The following ADAMTS2 variants were observed in gnomAD, a reference collection of about 807,000 sequenced individuals.
ADAMTS2 encodes ADAM metallopeptidase with thrombospondin type 1 motif 2, also known as A disintegrin and metalloproteinase with thrombospondin motifs 2.
In ADAMTS2, 50 loss-of-function variants were observed where a neutral mutation model predicts 123.0. The ratio of observed to expected loss-of-function variants is 0.41; its 90% confidence interval spans 0.32 to 0.51. The LOEUF is 0.51. Ranked by LOEUF, ADAMTS2 falls within the 20% of genes least tolerant of loss-of-function variation. ADAMTS2 has a pLI of 0.35. For missense variants in ADAMTS2, 1,494 were observed against 1,705.2 expected, an observed-to-expected ratio of 0.88 and a Z score of 2.18; for synonymous variants, 678 against 695.4, an observed-to-expected ratio of 0.98 and a Z score of 0.39.
chr5:179,161,096 A>C (rs758937583), intron 5 of ADAMTS2, among the ~76,000 whole-genome samples: 44 of 152,182 alleles, frequency 2.9e-4, no homozygotes, highest in Admixed American at 5.9e-4. Flanking sequence ...TCTGTAGCAT[A>C]ACCTCACCTA....
At chr5:179,198,463 A>G (rs1764481234) in intron 4 of ADAMTS2, among the ~76,000 whole-genome samples, 1 of 152,204 alleles carries the variant, frequency 6.6e-6, no homozygotes. Context: ...GACCAGGCTA[A>G]GGGCCGCTGA....
At chr5:179,244,902 T>G (rs1038199046) in intron 3 of ADAMTS2, among the ~76,000 whole-genome samples, 4 of 152,200 alleles carry the variant, frequency 2.6e-5, no homozygotes, top group Non-Finnish European at 5.9e-5. Context: ...AGCATGAAAT[T>G]ATATAAAGCA....
intron 5 of ADAMTS2, among the ~76,000 whole-genome samples, chr5:179,167,744 G>A (rs1175072554): frequency 1.3e-5 from 2 of 152,246 alleles, no homozygotes; most frequent in African/African-American, 4.8e-5. Context: ...CTGTTCTTGG[G>A]CAAGTTACCT....
At position 179,207,618 on chromosome 5, in the gene ADAMTS2, C is replaced by T. The variant is rs423552; in HGVS notation, c.786G>A (p.Ala262=). ...GGACCTCGATGTTGTAGTCATCGTC[C>T]GCAGCATGCCTGCGTGCCCTCCGCC... ...SSRRRARRHA[A]DDDYNIEVLL... Residue 262 remains alanine, a synonymous_variant, in exon 4 of 22, where the codon GCG becomes GCA. Coordinates refer to ENST00000251582, the MANE Select transcript of ADAMTS2 (RefSeq NM_014244.5). 1,494,863 of 1,613,816 alleles carry T rather than the reference C, an allele frequency of 0.93. 692,918 individuals carry two copies. The highest frequency in any genetic ancestry group is 1 in the East Asian group (44,817 of 44,880).
Position 179,202,990 on chromosome 5 carries a change from G to A in ADAMTS2, c.891+4523C>T, listed in dbSNP as rs1214252878. On this transcript the variant is annotated intron_variant, in intron 4 of 21. Transcript: ENST00000251582. This position sits in a 1 kb window ranked among gnomAD's most constrained non-coding sequence, Gnocchi z 4.0. ...CAGGGGTGATCGATGAGGCTGAACT[G>A]CCTGTGCCACCCCTGGACCCCATAT... Among the ~76,000 whole-genome samples the A allele has an allele frequency of 6.6e-6, 1 of 152,208 alleles. No individual in the cohort carries two copies. The highest frequency in any genetic ancestry group is 2.4e-5 in the African/African-American group (1 of 41,440).
At chr5:179,311,762 C>T (rs1462554464) in intron 2 of ADAMTS2, among the ~76,000 whole-genome samples, 2 of 152,256 alleles carry the variant, frequency 1.3e-5, no homozygotes, top group East Asian at 1.9e-4. Context: ...TGGCCCCTAC[C>T]CTGCTCCTTG....
Position 179,207,672 on chromosome 5 carries a change from GC to G in ADAMTS2, c.731del (p.Gly244AlafsTer3). The G allele has an allele frequency of 6.2e-7, 1 of 1,613,300 alleles. No homozygotes were observed. The highest frequency in any genetic ancestry group is 8.5e-7 in the Non-Finnish European group (1 of 1,180,020). ...DSLDSLSRAL[G>X]VLEEHANSSR... is the part of the protein sequence containing the mutation. ...AGCTGTTGGCGTGCTCCTCTAGGACGCCCAGGGCGCGGCTGAGGCTGTCCAG... is the reference window on the plus strand; with the variant it reads ...AGCTGTTGGCGTGCTCCTCTAGGACGCCAGGGCGCGGCTGAGGCTGTCCAG... On this transcript the variant is annotated frameshift_variant, in exon 4 of 22. Coordinates refer to ENST00000251582, the MANE Select transcript of ADAMTS2 (RefSeq NM_014244.5). LOFTEE classifies it high-confidence loss of function.
chr5:179,215,752 CAA>C (rs756181009), intron 3 of ADAMTS2, among the ~76,000 whole-genome samples: 3 of 152,150 alleles, frequency 2.0e-5, no homozygotes, highest in Non-Finnish European at 2.9e-5. Flanking sequence ...CCACATTCTA[CAA>C]AGTCTCCCGG....
intron 3 of ADAMTS2, among the ~76,000 whole-genome samples, chr5:179,226,272 CT>C (rs1765282705): frequency 7.6e-6 from 1 of 131,964 alleles, no homozygotes; most frequent in African/African-American, 2.8e-5. Flanking sequence ...TTCTTTCCTT[CT>C]TTCTTTTTTT....
chr5:179,242,912 G>T lies in ADAMTS2; in HGVS notation c.688+29999C>A, dbSNP rs1765701691. On this transcript the variant is annotated intron_variant, in intron 3 of 21. Coordinates refer to ENST00000251582, the MANE Select transcript of ADAMTS2 (RefSeq NM_014244.5). This position sits in a 1 kb window ranked among gnomAD's most constrained non-coding sequence, Gnocchi z 4.2. The stretch of plus-strand genomic sequence containing the variant: ...TCCACCCAGCCCTAACTCAGGGCAG[G>T]AGCTCCGTCTCAGGTGCAGCAGGGC... 6.6e-6 allele frequency among the ~76,000 whole-genome samples: 1 copy of T among 152,162 alleles called. No individual in the cohort carries two copies. Among genetic ancestry groups the T allele is most frequent in the African/African-American group, 2.4e-5 (1 of 41,440 alleles).
At chr5:179,166,121 C>T (rs1763690555) in intron 5 of ADAMTS2, among the ~76,000 whole-genome samples, 1 of 152,174 alleles carries the variant, frequency 6.6e-6, no homozygotes. Context: ...CAGGGTCCTC[C>T]TTGGCCATCA....
At position 179,111,361 on chromosome 5, in the gene ADAMTS2, G is replaced by A. The variant is rs1488655426; in HGVS notation, c.*2506C>T. ...AGAAGAAGCTGGCTTGCGAAGATCA[G>A]GACTGTTACTAAGCCGGTTCTCCAA... On this transcript the variant is annotated 3_prime_UTR_variant, in exon 22 of 22. Transcript: ENST00000251582. The A allele has an allele frequency of 6.6e-6, 1 of 152,228 alleles. No individual in the cohort carries two copies. The highest frequency in any genetic ancestry group is 1.5e-5 in the Non-Finnish European group (1 of 68,052). 9.4% of individuals were successfully genotyped at this position (152,228 alleles called of 1,614,324 possible).
chr5:179,210,768 G>A (rs1450169927), intron 3 of ADAMTS2, among the ~76,000 whole-genome samples: 1 of 152,182 alleles, frequency 6.6e-6, no homozygotes, highest in Non-Finnish European at 1.5e-5. Context: ...CCCCCCTCCT[G>A]TCCTCCTCTG....
intron 2 of ADAMTS2, among the ~76,000 whole-genome samples, chr5:179,274,052 T>G (rs1766622685): frequency 6.7e-6 from 1 of 149,738 alleles, no homozygotes; most frequent in African/African-American, 2.5e-5. Flanking sequence ...TGTTCCCCCT[T>G]CGAGGCCTGA....
chr5:179,313,533 CTCATGCACACACACACAT>C, intron 2 of ADAMTS2, among the ~76,000 whole-genome samples: 1 of 8,904 alleles, frequency 1.1e-4, no homozygotes, highest in African/African-American at 4.1e-4. Context: ...CGCATTCACA[CTCATGCACACACACACAT>C]CGAGACAGAG....
chr5:179,111,293 A>G lies in ADAMTS2; in HGVS notation c.*2574T>C, dbSNP rs575683136. ...ATGCGGTTAGAAACTCAGCTAGAAG[A>G]CATCTGTCTGCCTCCTCTGGGCGCC... On this transcript the variant is annotated 3_prime_UTR_variant, in exon 22 of 22. Transcript: ENST00000251582. 7.2e-5 allele frequency: 11 copies of G among 152,346 alleles called. No homozygotes were observed. The highest frequency in any genetic ancestry group is 2.6e-4 in the African/African-American group (11 of 41,572). The allele number at this position is 152,346 out of a possible 1,614,324, so 9.4% of individuals were successfully genotyped here. A position where few individuals can be genotyped will look rare whatever the true frequency, so the allele number is the denominator to read the frequency against.
intron 3 of ADAMTS2, among the ~76,000 whole-genome samples, chr5:179,224,110 G>A (rs972103129): frequency 7.9e-5 from 12 of 152,218 alleles, no homozygotes; most frequent in Non-Finnish European, 1.0e-4. Context: ...GCAGTTGGCC[G>A]TGGAGTCTAC....
chr5:179,290,838 G>A (rs149359811), intron 2 of ADAMTS2, among the ~76,000 whole-genome samples: 1 of 152,300 alleles, frequency 6.6e-6, no homozygotes, highest in African/African-American at 2.4e-5. Context: ...CAAGTACAGA[G>A]GCCCTGAGAA....
rs1764140667 is a variant in ADAMTS2 at position 179,185,183 on chromosome 5, G to A, written c.892-4028C>T. 6.6e-6 allele frequency among the ~76,000 whole-genome samples: 1 copy of A among 152,210 alleles called. No homozygotes were observed. The highest frequency in any genetic ancestry group is 2.1e-4 in the South Asian group (1 of 4,832). Reference sequence around the variant, plus strand: ...GAAGGATTCCAAATCCTCTCTAAGAGCAGTGGGAGGACATGGAGGAAGGAT... The same window carrying A: ...GAAGGATTCCAAATCCTCTCTAAGAACAGTGGGAGGACATGGAGGAAGGAT... On this transcript the variant is annotated intron_variant, in intron 4 of 21. Transcript: ENST00000251582. The surrounding 1 kb of genome is among the most constrained non-coding windows in gnomAD (Gnocchi z 5.9).
Sources: gnomAD v4.1 joint callset for allele counts (sites outside exome capture counted in the v4.1 genomes callset) on GRCh38, gnomAD v4.1.1 for gene constraint, Gnocchi (gnomAD v3.1) non-coding constraint, MANE v1.5 for transcripts, NCBI Gene and HGNC (gene_info 2026-07-23, HGNC 2026-07-21) for gene names.